Variants in RILPL1 observed in about 807,000 individuals in gnomAD.
RILPL1 encodes RILP-like protein 1.
In RILPL1, 33 loss-of-function variants were observed where a neutral mutation model predicts 50.3. That is an observed-to-expected ratio of 0.66 (90% CI 0.50 to 0.88). The LOEUF (loss-of-function observed/expected upper bound fraction) is 0.88, where lower values mean the gene tolerates loss of function less well. RILPL1 is among the 40% of genes least tolerant of loss of function. The pLI is 0.00. For missense variants in RILPL1, 418 were observed against 542.5 expected, an observed-to-expected ratio of 0.77 and a Z score of 2.28; for synonymous variants, 205 against 228.6, an observed-to-expected ratio of 0.90 and a Z score of 0.93.
Position 123,471,982 on chromosome 12 carries a change from T to C in RILPL1, c.*556A>G, listed in dbSNP as rs1365389417. 6.5e-6 allele frequency: 1 copy of C among 153,946 alleles called. No homozygotes were observed. The highest frequency in any genetic ancestry group is 1.4e-5 in the Non-Finnish European group (1 of 69,112). 9.5% of individuals were successfully genotyped at this position (153,946 alleles called of 1,614,324 possible). On this transcript the variant is annotated 3_prime_UTR_variant, in exon 7 of 7. Coordinates refer to ENST00000376874, the MANE Select transcript of RILPL1 (RefSeq NM_178314.5). ...TTCTGGGTAAGAGGACCATCATCCA[T>C]ATTGTCTGTGGCTTTGTGTCTGAGT...
intron 2 of RILPL1, among the ~76,000 whole-genome samples, chr12:123,520,765 G>C (rs9697721): frequency 0.078 from 11,939 of 152,230 alleles, 741 homozygotes; most frequent in African/African-American, 0.17. Context: ...CCAGAACAGG[G>C]ACAGAGTGGG....
Position 123,489,324 on chromosome 12 carries a change from C to T in RILPL1, c.802-3519G>A, listed in dbSNP as rs1179013712. 6.6e-6 allele frequency among the ~76,000 whole-genome samples: 1 copy of T among 151,900 alleles called. No individual in the cohort carries two copies. The highest frequency in any genetic ancestry group is 2.4e-5 in the African/African-American group (1 of 41,358). On this transcript the variant is annotated intron_variant, in intron 4 of 6. Transcript: ENST00000376874. This position sits in a 1 kb window ranked among gnomAD's most constrained non-coding sequence, Gnocchi z 4.0. ...ATCACCTGAAGTCAGGAGTTCGAGA[C>T]CAGCCTGGACAACATGGTGAAACGC... is the stretch of plus-strand genomic sequence containing the variant.
chr12:123,505,168 G>A (rs573264799), intron 2 of RILPL1, among the ~76,000 whole-genome samples: 1 of 152,260 alleles, frequency 6.6e-6, no homozygotes, highest in Admixed American at 6.5e-5. Flanking sequence ...AGCCTCCTGA[G>A]TAGCTGGTAC....
In RILPL1 at chr12:123,485,516, C is replaced by T. The variant is rs1882266889; in HGVS notation, c.974+117G>A. The stretch of plus-strand genomic sequence containing the variant: ...AGTTCTTTAGGCCAGAGAGGGTACC[C>T]AAAAAAAACACTGATGAAATGCTTG... On this transcript the variant is annotated intron_variant, in intron 5 of 6. Transcript: ENST00000376874. This position sits in a 1 kb window ranked among gnomAD's most constrained non-coding sequence, Gnocchi z 4.0. The T allele has an allele frequency of 3.1e-6, 3 of 980,800 alleles. No individual in the cohort carries two copies. The highest frequency in any genetic ancestry group is 4.5e-6 in the Non-Finnish European group (3 of 660,870). 60.8% of individuals were successfully genotyped at this position (980,800 alleles called of 1,614,324 possible). A position where few individuals can be genotyped will look rare whatever the true frequency, so the allele number is the denominator to read the frequency against.
intron 2 of RILPL1, among the ~76,000 whole-genome samples, chr12:123,509,602 T>C (rs1173586879): frequency 1.3e-5 from 2 of 150,770 alleles, no homozygotes; most frequent in East Asian, 3.9e-4. Context: ...TGTCACATGC[T>C]GCCACGTGGA....
intron 1 of RILPL1, among the ~76,000 whole-genome samples, chr12:123,531,914 C>G (rs1885452743): frequency 6.6e-6 from 1 of 152,130 alleles, no homozygotes; most frequent in African/African-American, 2.4e-5. Context: ...CCCAGAGTGA[C>G]CTCGGAAATG....
chr12:123,532,400 A>G (rs937080532), intron 1 of RILPL1, among the ~76,000 whole-genome samples: 1 of 152,118 alleles, frequency 6.6e-6, no homozygotes, highest in East Asian at 1.9e-4. Flanking sequence ...AGCCACCCCA[A>G]ATCATCCCTT....
chr12:123,472,586 G>A lies in RILPL1; in HGVS notation c.1164C>T (p.Arg388=), dbSNP rs369661610. ...ESFGQWANTH[R]DDGYTEQGQE... is the part of the protein sequence containing the mutation. ...GTCCTTGCTCTGTGTAACCGTCATC[G>A]CGGTGGGTGTTTGCCCACTGTCCAA... is the stretch of plus-strand genomic sequence containing the variant. The change falls in exon 7 of 7, where the codon CGC becomes CGT. Residue 388 remains arginine (R), a synonymous_variant. Coordinates refer to ENST00000376874, the MANE Select transcript of RILPL1 (RefSeq NM_178314.5). 99 of 1,560,166 alleles carry A rather than the reference G, an allele frequency of 6.3e-5. No individual in the cohort carries two copies. In the East Asian group the frequency reaches 1.6e-3, roughly 24 times the overall value.
intron 1 of RILPL1, among the ~76,000 whole-genome samples, chr12:123,531,869 T>C (rs1026072805): frequency 1.3e-5 from 2 of 152,164 alleles, no homozygotes; most frequent in Non-Finnish European, 2.9e-5. Context: ...TCTAGGAGTC[T>C]TGAAATTAAT....
intron 2 of RILPL1, among the ~76,000 whole-genome samples, chr12:123,521,290 G>A (rs556257242): frequency 1.3e-5 from 2 of 151,958 alleles, no homozygotes; most frequent in South Asian, 2.1e-4. Context: ...TGAAGGTCAC[G>A]TGACTTGATC....
At chr12:123,510,365 G>GGTGTGT (rs563988101) in intron 2 of RILPL1, among the ~76,000 whole-genome samples, 1 of 150,928 alleles carries the variant, frequency 6.6e-6, no homozygotes, top group African/African-American at 2.4e-5. Context: ...TGGGGGGTGT[G>GGTGTGT]GTGTGTGTGT....
chr12:123,476,720 G>C (rs538733549), intron 6 of RILPL1, among the ~76,000 whole-genome samples: 2 of 149,684 alleles, frequency 1.3e-5, no homozygotes, highest in Non-Finnish European at 1.5e-5. Flanking sequence ...CCCTGCTGAC[G>C]CCTTTATCGT....
chr12:123,518,272 G>C (rs184360779), intron 2 of RILPL1: 99 of 373,098 alleles, frequency 2.7e-4, no homozygotes, highest in African/African-American at 2.0e-3. Flanking sequence ...GGGACTCCAA[G>C]GCAGGAGGAT....
chr12:123,480,532 C>A (rs1201420047), intron 6 of RILPL1, among the ~76,000 whole-genome samples: 1 of 152,010 alleles, frequency 6.6e-6, no homozygotes, highest in African/African-American at 2.4e-5. Context: ...TTGATCTCCC[C>A]CTCCCTCAGC....
intron 1 of RILPL1, among the ~76,000 whole-genome samples, chr12:123,532,962 A>G (rs1885491606): frequency 6.6e-6 from 1 of 152,236 alleles, no homozygotes; most frequent in African/African-American, 2.4e-5. Context: ...TTGGAACTCC[A>G]GAGAACAGCT....
intron 2 of RILPL1, among the ~76,000 whole-genome samples, chr12:123,514,597 T>A (rs1884586546): frequency 1.3e-5 from 2 of 151,780 alleles, no homozygotes; most frequent in African/African-American, 2.4e-5. Flanking sequence ...TGGCTAATAT[T>A]TGTATTTTAG....
At chr12:123,484,041 C>T (rs1042435246) in intron 6 of RILPL1, 139 bp downstream of exon 6, 94 of 617,784 alleles carry the variant, frequency 1.5e-4, no homozygotes, top group Middle Eastern at 4.3e-4. Context: ...AACTCAAAGT[C>T]GGGGGCCAGG....
intron 6 of RILPL1, among the ~76,000 whole-genome samples, chr12:123,476,719 C>T (rs950874607): frequency 3.3e-5 from 5 of 149,676 alleles, no homozygotes; most frequent in Admixed American, 2.6e-4. Context: ...ACCCTGCTGA[C>T]GCCTTTATCG....
At chr12:123,515,514 A>C (rs1253545141) in intron 2 of RILPL1, 3 of 151,072 alleles carry the variant, frequency 2.0e-5, no homozygotes, top group Non-Finnish European at 4.4e-5. Flanking sequence ...CAGTGGCGCG[A>C]TCTCAACTCA....
Sources: allele counts gnomAD v4.1 joint callset (sites outside exome capture counted in the v4.1 genomes callset), GRCh38; gene constraint gnomAD v4.1.1; non-coding constraint Gnocchi (gnomAD v3.1); transcripts MANE v1.5; gene names NCBI Gene and HGNC (gene_info 2026-07-23, HGNC 2026-07-21).